The following HDC variants were observed in gnomAD, a reference collection of about 807,000 sequenced individuals.
The protein encoded by HDC is histidine decarboxylase.
In HDC, 27 loss-of-function variants were observed where a neutral mutation model predicts 64.4. That is an observed-to-expected ratio of 0.42 (90% CI 0.31 to 0.58). HDC has a LOEUF of 0.58. HDC is among the 20% of genes least tolerant of loss of function. The probability of loss-of-function intolerance (pLI) is 0.16; values close to 1 mark genes in which losing one functional copy is unlikely to be tolerated. For missense variants in HDC, 711 were observed against 833.9 expected (o/e 0.85, Z 1.81); for synonymous variants, 305 against 314.2 (o/e 0.97, Z 0.31).
At chr15:50,264,260 G>C (rs1365030069) in intron 1 of HDC, among the ~76,000 whole-genome samples, 1 of 152,086 alleles carries the variant, frequency 6.6e-6, no homozygotes, top group African/African-American at 2.4e-5. Flanking sequence ...TCAAGAATCT[G>C]ATTAAAACTG....
rs762914264 is a variant in HDC, at chr15:50,252,710, G to C, written c.852C>G (p.Pro284=). 6.2e-7 allele frequency: 1 copy of C among 1,614,048 alleles called. No individual in the cohort carries two copies. The highest frequency in any genetic ancestry group is 8.5e-7 in the Non-Finnish European group (1 of 1,179,998). ...TCCCCTTCAGAAACCCCCGGAACTC[G>C]GGGCACAGGAAGGCAGTGCCTGCAT... is the stretch of plus-strand genomic sequence containing the variant. ...AAYAGTAFLC[P]EFRGFLKGIE... Residue 284 remains proline, a synonymous_variant, in exon 8 of 12, where the codon CCC becomes CCG. Transcript: ENST00000267845.
At position 50,254,450 on chromosome 15, in the gene HDC, C is replaced by A. The variant is rs376070362; in HGVS notation, c.576+80G>T. 63 of 1,600,862 alleles carry A rather than the reference C, an allele frequency of 3.9e-5. 1 individual carries two copies. The highest frequency in any genetic ancestry group is 3.3e-4 in the East Asian group (15 of 44,790). On this transcript the variant is annotated intron_variant, in intron 5 of 11. Transcript: ENST00000267845. ...GCTCAGAACCCCAGCGTACTCACGT[C>A]TAGAAAAAAATTGCTCAAGGACCAA...
intron 10 of HDC, among the ~76,000 whole-genome samples, chr15:50,245,904 C>CAATA (rs59796751): frequency 0.12 from 18,121 of 151,844 alleles, 2,714 homozygotes; most frequent in African/African-American, 0.35. Context: ...AAATAAATAA[C>CAATA]AATAAATAAA....
At chr15:50,254,389 C>T in intron 5 of HDC, 116 bp from the exon 6 acceptor site, 2 of 1,522,170 alleles carry the variant, frequency 1.3e-6, no homozygotes, top group South Asian at 1.1e-5. Context: ...CTTGTCTTCC[C>T]TACAGTTGCT....
intron 10 of HDC, among the ~76,000 whole-genome samples, chr15:50,244,313 A>ATTTTTTTTT (rs2045448473): frequency 1.4e-5 from 1 of 69,326 alleles, no homozygotes; most frequent in African/African-American, 5.3e-5. Context: ...TTTTTTTTTG[A>ATTTTTTTTT]GAGATAGGGT....
intron 4 of HDC, among the ~76,000 whole-genome samples, chr15:50,256,190 A>G (rs1006526246): frequency 3.3e-5 from 5 of 152,242 alleles, no homozygotes; most frequent in Non-Finnish European, 5.9e-5. Flanking sequence ...TACCGCAGAC[A>G]TTTAGCATGT....
At chr15:50,250,595 A>T (rs2045541615) in intron 9 of HDC, among the ~76,000 whole-genome samples, 1 of 152,198 alleles carries the variant, frequency 6.6e-6, no homozygotes, top group African/African-American at 2.4e-5. Context: ...CATGAAATTC[A>T]AAAGGGCAAG....
At chr15:50,252,579 C>G (rs1391386090) in intron 8 of HDC, 33 bp downstream of exon 8, 1 of 1,614,152 alleles carries the variant, frequency 6.2e-7, no homozygotes, top group Non-Finnish European at 8.5e-7. Context: ...GCAAGGCGTT[C>G]CTGCGTGCTC....
chr15:50,251,402 A>G (rs1595704501), intron 9 of HDC, among the ~76,000 whole-genome samples: 1 of 152,216 alleles, frequency 6.6e-6, no homozygotes, highest in African/African-American at 2.4e-5. Context: ...CCTATGAATC[A>G]ATGCCACTAT....
At position 50,244,422 on chromosome 15, in the gene HDC, C is replaced by T. The variant is rs2238295; in HGVS notation, c.1141-1178G>A. On this transcript the variant is annotated intron_variant, in intron 10 of 11. Transcript: ENST00000267845. Reference sequence around the variant, plus strand: ...AGCTCAAGTAATCCTCCCACCTTCACCTCCTGAGTAGCTAGGACTACAGAC... The same window carrying T: ...AGCTCAAGTAATCCTCCCACCTTCATCTCCTGAGTAGCTAGGACTACAGAC... Among the ~76,000 whole-genome samples, 136 of 151,496 alleles carry T rather than the reference C, an allele frequency of 9.0e-4. 3 individuals are homozygous for T. The East Asian group carries it at 0.026, about 29-fold the overall frequency.
In HDC at chr15:50,254,166, G is replaced by A. The variant is rs779074376; in HGVS notation, c.684C>T (p.Ile228=). Residue 228 remains isoleucine, a synonymous_variant, in exon 6 of 12, where the codon ATC becomes ATT. Coordinates refer to ENST00000267845, the MANE Select transcript of HDC (RefSeq NM_002112.4). The stretch of plus-strand genomic sequence containing the variant: ...CCAAGCCCCGCTGCTTGTCTTCCTC[G>A]ATGGCCTTCTGAAGAGCTTCCCCTC... ...SLRGEALQKA[I]EEDKQRGLVP... 2.0e-5 allele frequency: 32 copies of A among 1,614,026 alleles called. No individual in the cohort carries two copies. The highest frequency in any genetic ancestry group is 6.7e-5 in the East Asian group (3 of 44,896).
In HDC at chr15:50,254,605, C is replaced by T. The variant is rs370344668; in HGVS notation, c.501G>A (p.Leu167=). The T allele has an allele frequency of 6.2e-7, 1 of 1,614,100 alleles. No individual in the cohort carries two copies. The highest frequency in any genetic ancestry group is 8.5e-7 in the Non-Finnish European group (1 of 1,180,042). ...ALLAARKNKI[L]EMKTSEPDAD... ...CATCGGGCTCAGACGTTTTCATTTC[C>T]AGGATTTTGTTCTTCCTTGCTGCCA... Residue 167 remains leucine (L), a synonymous_variant, in exon 5 of 12, where the codon CTG becomes CTA. Transcript: ENST00000267845.
chr15:50,242,050 G>A lies in HDC; in HGVS notation c.*210C>T. On this transcript the variant is annotated 3_prime_UTR_variant, in exon 12 of 12. Transcript: ENST00000267845. Reference sequence around the variant, plus strand: ...ACCCTCGGCCCTTTCTCACTGACCAGACTGCTGAACCCATCTGGATCATGC... The same window carrying A: ...ACCCTCGGCCCTTTCTCACTGACCAAACTGCTGAACCCATCTGGATCATGC... 1 of 602,470 alleles carries A rather than the reference G, an allele frequency of 1.7e-6. No individual in the cohort carries two copies. 37.3% of individuals were successfully genotyped at this position (602,470 alleles called of 1,614,324 possible). A position where few individuals can be genotyped will look rare whatever the true frequency, so the allele number is the denominator to read the frequency against.
chr15:50,252,897 G>T (rs2045577431), intron 7 of HDC, 123 bp from the exon 8 acceptor site: 3 of 996,612 alleles, frequency 3.0e-6, no homozygotes, highest in Non-Finnish European at 3.0e-6. Flanking sequence ...AGAAACGGAG[G>T]GGTGTGGAGA....
At chr15:50,243,086 G>T in intron 11 of HDC, 57 bp downstream of exon 11, 1 of 1,612,868 alleles carries the variant, frequency 6.2e-7, no homozygotes, top group South Asian at 1.1e-5. Context: ...GTGTTTCCGA[G>T]AGGCTCTGGA....
intron 10 of HDC, among the ~76,000 whole-genome samples, chr15:50,246,083 T>C (rs1031536959): frequency 2.0e-5 from 3 of 152,124 alleles, no homozygotes; most frequent in African/African-American, 7.2e-5. Context: ...AGCCCAGAAC[T>C]ATGAAGAAAG....
At chr15:50,256,406 T>C (rs1254218015) in intron 4 of HDC, among the ~76,000 whole-genome samples, 2 of 152,318 alleles carry the variant, frequency 1.3e-5, no homozygotes, top group East Asian at 3.9e-4. Flanking sequence ...TTTTATTTTT[T>C]GAGACAAGGT....
At chr15:50,260,512 G>A (rs986272206) in intron 2 of HDC, among the ~76,000 whole-genome samples, 6 of 152,096 alleles carry the variant, frequency 3.9e-5, no homozygotes, top group African/African-American at 1.4e-4. Flanking sequence ...TAACATTAAC[G>A]GTAAACTAAT....
chr15:50,265,443 G>A (rs891683540), intron 1 of HDC, 150 bp downstream of exon 1: 22 of 732,470 alleles, frequency 3.0e-5, no homozygotes, highest in East Asian at 1.1e-4. Context: ...CATTCCTTTC[G>A]CAGAAAAAAA....
Sources: gnomAD v4.1 joint callset for allele counts (sites outside exome capture counted in the v4.1 genomes callset) on GRCh38, gnomAD v4.1.1 for gene constraint, MANE v1.5 for transcripts, NCBI Gene and HGNC (gene_info 2026-07-23, HGNC 2026-07-21) for gene names.